Variants in ATRN observed in about 807,000 individuals in gnomAD.
ATRN encodes attractin, also known as attractin-2.
Under a neutral mutation model 178.7 loss-of-function variants are expected in ATRN, and 54 were observed. The ratio of observed to expected loss-of-function variants is 0.30; its 90% CI spans 0.24 to 0.38. ATRN has a LOEUF of 0.38. Ranked by LOEUF, ATRN falls within the 10% of genes least tolerant of loss-of-function variation. ATRN has a pLI of 1.00. For missense variants in ATRN, 1,443 were observed against 1,815.1 expected (o/e 0.79, Z 3.73); for synonymous variants, 636 against 663.0 (o/e 0.96, Z 0.63).
At chr20:3,480,458 G>A (rs529392519) in intron 1 of ATRN, among the ~76,000 whole-genome samples, 6 of 152,326 alleles carry the variant, frequency 3.9e-5, no homozygotes, top group African/African-American at 1.2e-4. Context: ...AAATGGAGCC[G>A]GAGACCTGAT....
At chr20:3,578,432 A>C in intron 14 of ATRN, 150 bp from the exon 15 acceptor site, 1 of 648,976 alleles carries the variant, frequency 1.5e-6, no homozygotes, top group Non-Finnish European at 2.5e-6. Flanking sequence ...TTTGGTCCTT[A>C]ATAATGTGTC....
intron 6 of ATRN, among the ~76,000 whole-genome samples, chr20:3,553,562 G>A (rs1342198241): frequency 6.6e-6 from 1 of 152,122 alleles, no homozygotes; most frequent in Non-Finnish European, 1.5e-5. Flanking sequence ...ACCCATCAGT[G>A]TCTTGCCTTT....
At chr20:3,587,691 A>T (rs1807914220) in intron 18 of ATRN, among the ~76,000 whole-genome samples, 2 of 152,160 alleles carry the variant, frequency 1.3e-5, no homozygotes, top group Admixed American at 6.6e-5. Flanking sequence ...ATTTTGCAAG[A>T]CTGTTACAGC....
chr20:3,607,219 T>G (rs950735845), intron 24 of ATRN, among the ~76,000 whole-genome samples: 2 of 152,216 alleles, frequency 1.3e-5, no homozygotes, highest in Non-Finnish European at 2.9e-5. Flanking sequence ...ATCCATCACC[T>G]CAAACATTTA....
At chr20:3,596,236 CCTGAGCTGAGTT>C in intron 20 of ATRN, 129 bp from the exon 21 acceptor site, 1 of 820,200 alleles carries the variant, frequency 1.2e-6, no homozygotes, top group South Asian at 1.7e-5. Context: ...TCCTAGACTG[CCTGAGCTGAGTT>C]ATGGTGAAGG....
Position 3,572,808 on chromosome 20 carries a change from C to A in ATRN, c.1949C>A (p.Ala650Glu), listed in dbSNP as rs748401480. 22 of 1,613,672 alleles carry A rather than the reference C, an allele frequency of 1.4e-5. No homozygotes were observed. Among genetic ancestry groups the A allele is most frequent in the Non-Finnish European group, 1.9e-5 (22 of 1,179,994 alleles). Residue 650 changes from alanine (A) to glutamate (E), a missense_variant, in exon 12 of 29, where the codon GCG becomes GAG. By Grantham distance (107) the Ala-to-Glu change is moderately radical. Coordinates refer to ENST00000262919, the MANE Select transcript of ATRN (RefSeq NM_139321.3). Reference sequence around the variant, plus strand: ...GTATTCACCTCGGAACAGTGTGATGCGCATCGGAGTGAAGCCGCTTGTTTA... The same window carrying A: ...GTATTCACCTCGGAACAGTGTGATGAGCATCGGAGTGAAGCCGCTTGTTTA... Reference protein sequence around the residue: ...ILVFTSEQCDAHRSEAACLAA... With the variant: ...ILVFTSEQCDEHRSEAACLAA...
At chr20:3,483,800 C>CA (rs150372446) in intron 1 of ATRN, among the ~76,000 whole-genome samples, 6,453 of 147,716 alleles carry the variant, frequency 0.044, 169 homozygotes, top group Non-Finnish European at 0.06. Context: ...TATTATTTTT[C>CA]AAAAAAAAAC....
rs3084195 is a variant in ATRN at position 3,626,231 on chromosome 20, CAAAAAAAA to C, written c.3863+1672_3863+1679del. Among the ~76,000 whole-genome samples, 18 of 99,544 alleles carry C rather than the reference CAAAAAAAA, an allele frequency of 1.8e-4. No individual in the cohort carries two copies. The Admixed American group carries it at 1.8e-3, about 10-fold the overall frequency. The allele number at this position is 99,544 out of a possible 152,430, so 65.3% of individuals were successfully genotyped here. A position where few individuals can be genotyped will look rare whatever the true frequency, so the allele number is the denominator to read the frequency against. On this transcript the variant is annotated intron_variant, in intron 25 of 28. Coordinates refer to ENST00000262919, the MANE Select transcript of ATRN (RefSeq NM_139321.3). The stretch of plus-strand genomic sequence containing the variant: ...TGGGTGACAGAGTGAGACCCTGTCT[CAAAAAAAA>C]AAAAAAAAAAAAGTCTGACTACAGA...
intron 25 of ATRN, among the ~76,000 whole-genome samples, chr20:3,631,802 C>T (rs1461731394): frequency 1.3e-5 from 2 of 152,180 alleles, no homozygotes; most frequent in African/African-American, 2.4e-5. Context: ...GCTTCATGCT[C>T]TTCCTTGTGG....
intron 1 of ATRN, among the ~76,000 whole-genome samples, chr20:3,525,262 T>C (rs1305131057): frequency 6.6e-6 from 1 of 152,132 alleles, no homozygotes; most frequent in Non-Finnish European, 1.5e-5. Flanking sequence ...CAGAGAATAC[T>C]ATAAACAACT....
intron 25 of ATRN, among the ~76,000 whole-genome samples, chr20:3,633,833 A>G (rs1313225176): frequency 6.6e-6 from 1 of 152,200 alleles, no homozygotes; most frequent in Non-Finnish European, 1.5e-5. Context: ...ATGTATTTGT[A>G]AAAATATTGA....
At chr20:3,623,294 G>A (rs115273810) in intron 24 of ATRN, among the ~76,000 whole-genome samples, 411 of 152,224 alleles carry the variant, frequency 2.7e-3, no homozygotes, top group African/African-American at 9.5e-3. Context: ...AAAGAAAGTG[G>A]GTTTCTGTTT....
Position 3,560,843 on chromosome 20 carries a change from T to C in ATRN, c.1385T>C (p.Leu462Pro). The C allele has an allele frequency of 6.2e-7, 1 of 1,614,166 alleles. No individual in the cohort carries two copies. The highest frequency in any genetic ancestry group is 2.2e-5 in the East Asian group (1 of 44,884). The change falls in exon 8 of 29, where the codon CTG becomes CCG. Residue 462 changes from leucine to proline, a missense_variant. Coordinates refer to ENST00000262919, the MANE Select transcript of ATRN (RefSeq NM_139321.3). Reference protein sequence around the residue: ...VTLKNGRVVMLVIFGHCPLYG... With the variant: ...VTLKNGRVVMPVIFGHCPLYG... ...CTGAAGAATGGCCGAGTGGTCATGC[T>C]GGTCATCTTTGGTCACTGCCCTCTC...
At chr20:3,509,496 A>C (rs2085095208) in intron 1 of ATRN, among the ~76,000 whole-genome samples, 1 of 141,044 alleles carries the variant, frequency 7.1e-6, no homozygotes, top group South Asian at 2.1e-4. Context: ...ACATGTTAAC[A>C]ATTTTTTTTT....
chr20:3,491,535 C>T (rs1452653185), intron 1 of ATRN, among the ~76,000 whole-genome samples: 3 of 152,194 alleles, frequency 2.0e-5, no homozygotes, highest in Non-Finnish European at 2.9e-5. Flanking sequence ...CTTCTGGGTA[C>T]TTGCTGTGCA....
At chr20:3,480,102 G>A (rs2084598351) in intron 1 of ATRN, among the ~76,000 whole-genome samples, 1 of 152,190 alleles carries the variant, frequency 6.6e-6, no homozygotes, top group Non-Finnish European at 1.5e-5. Flanking sequence ...ATGGAAGGAA[G>A]GGGGTGAGGT....
chr20:3,583,758 A>T, intron 16 of ATRN, 140 bp from the exon 17 acceptor site: 1 of 834,154 alleles, frequency 1.2e-6, no homozygotes, highest in South Asian at 1.9e-5. Flanking sequence ...CAGTGAGCCG[A>T]AATTGTGCCA....
chr20:3,552,202 ACC>A (rs1339868793), intron 6 of ATRN, among the ~76,000 whole-genome samples: 1 of 152,072 alleles, frequency 6.6e-6, no homozygotes, highest in African/African-American at 2.4e-5. Context: ...CCAGGGCTTA[ACC>A]CTTGGTCCAT....
intron 25 of ATRN, among the ~76,000 whole-genome samples, chr20:3,630,251 T>G (rs1159484195): frequency 6.6e-6 from 1 of 152,236 alleles, no homozygotes; most frequent in African/African-American, 2.4e-5. Flanking sequence ...TTTTTCATCG[T>G]GGTATTCATC....
Sources: allele counts gnomAD v4.1 joint callset (sites outside exome capture counted in the v4.1 genomes callset), GRCh38; gene constraint gnomAD v4.1.1; transcripts MANE v1.5; gene names NCBI Gene and HGNC (gene_info 2026-07-23, HGNC 2026-07-21).